CEP112: variants seen among roughly 807,000 people sequenced by gnomAD.
CEP112 encodes the protein centrosomal protein 112.
A neutral mutation model predicts 153.0 loss-of-function variants in CEP112; 127 were observed. The observed-to-expected ratio is 0.83, with a 90% CI of 0.72 to 0.96. The LOEUF (loss-of-function observed/expected upper bound fraction) is 0.96, where lower values mean the gene tolerates loss of function less well. CEP112 is among the 40% of genes least tolerant of loss of function. The pLI, the probability that CEP112 is intolerant of heterozygous loss-of-function variation, is 0.00. For synonymous variants in CEP112, 358 were observed against 374.4 expected (o/e 0.96, Z 0.51); for missense variants, 1,089 against 1,101.2 (o/e 0.99, Z 0.16).
chr17:65,774,282 G>T (rs2053553777), intron 21 of CEP112, among the ~76,000 whole-genome samples: 1 of 152,084 alleles, frequency 6.6e-6, no homozygotes, highest in Non-Finnish European at 1.5e-5. Context: ...CCCGAGAAAA[G>T]ACCCTATTTC....
intron 17 of CEP112, among the ~76,000 whole-genome samples, chr17:65,975,603 C>G (rs1176893079): frequency 1.3e-5 from 2 of 152,140 alleles, no homozygotes; most frequent in African/African-American, 4.8e-5. Context: ...AGAAATCATA[C>G]TGAAAATCAT....
intron 4 of CEP112, among the ~76,000 whole-genome samples, chr17:66,169,169 T>C (rs2072128905): frequency 6.6e-6 from 1 of 152,044 alleles, no homozygotes; most frequent in Non-Finnish European, 1.5e-5. Flanking sequence ...ATCCACATTA[T>C]GGATTATCTG....
chr17:66,122,136 C>T (rs973895654), intron 6 of CEP112, among the ~76,000 whole-genome samples: 7 of 152,068 alleles, frequency 4.6e-5, no homozygotes, highest in South Asian at 2.1e-4. Context: ...CCTCGTGATC[C>T]GCCCACCTCA....
At chr17:65,826,867 T>C (rs2056861620) in intron 21 of CEP112, among the ~76,000 whole-genome samples, 2 of 152,300 alleles carry the variant, frequency 1.3e-5, no homozygotes, top group African/African-American at 4.8e-5. Context: ...CAAAGTATTG[T>C]CCCTGGGTGT....
At chr17:65,891,311 T>C (rs1022098784) in intron 20 of CEP112, among the ~76,000 whole-genome samples, 3 of 152,316 alleles carry the variant, frequency 2.0e-5, no homozygotes, top group Non-Finnish European at 1.5e-5. Context: ...TTATTATCTA[T>C]ATGCTCAGTT....
chr17:65,904,365 G>C (rs965068306), intron 19 of CEP112, among the ~76,000 whole-genome samples: 1 of 152,062 alleles, frequency 6.6e-6, no homozygotes, highest in Non-Finnish European at 1.5e-5. Flanking sequence ...ACTACAAAGA[G>C]AATAAAATAC....
intron 12 of CEP112, among the ~76,000 whole-genome samples, chr17:66,032,281 A>G (rs1030875434): frequency 1.3e-5 from 2 of 151,768 alleles, no homozygotes; most frequent in African/African-American, 4.8e-5. Context: ...CGTTACAGGC[A>G]TGAGCCACTG....
chr17:66,118,761 A>G (rs1295093019), intron 6 of CEP112, among the ~76,000 whole-genome samples: 1 of 152,204 alleles, frequency 6.6e-6, no homozygotes, highest in Admixed American at 6.5e-5. Context: ...TTTGAGGTAA[A>G]TGATATCTCA....
At chr17:65,852,057 T>C in intron 20 of CEP112, 23 bp from the exon 21 acceptor site, 1 of 1,544,480 alleles carries the variant, frequency 6.5e-7, no homozygotes, top group Non-Finnish European at 8.8e-7. Context: ...AATGGAAAAA[T>C]GGGCAGAAGA....
At chr17:65,770,928 T>C (rs1400393940) in intron 21 of CEP112, among the ~76,000 whole-genome samples, 1 of 124,296 alleles carries the variant, frequency 8.0e-6, no homozygotes, top group Admixed American at 8.0e-5. Flanking sequence ...GACTCCGTCT[T>C]AAAAAAAAAA....
At chr17:66,030,112 A>G (rs1351402322) in intron 12 of CEP112, 89 bp from the exon 13 acceptor site, 4 of 998,450 alleles carry the variant, frequency 4.0e-6, no homozygotes, top group East Asian at 2.5e-5. Context: ...CGTATAATCT[A>G]TAAGAATAAA....
At position 65,690,425 on chromosome 17, in the gene CEP112, C is replaced by CAAAAAAA. The variant is rs67648497; in HGVS notation, c.2608-1214_2608-1208dup. Among the ~76,000 whole-genome samples the CAAAAAAA allele has an allele frequency of 9.3e-4, 71 of 76,674 alleles. 3 individuals are homozygous for CAAAAAAA. Among genetic ancestry groups the CAAAAAAA allele is most frequent in the African/African-American group, 3.5e-3 (69 of 19,440 alleles). 50.3% of individuals were successfully genotyped at this position (76,674 alleles called of 152,430 possible). A position where few individuals can be genotyped will look rare whatever the true frequency, so the allele number is the denominator to read the frequency against. On this transcript the variant is annotated intron_variant, in intron 23 of 26. Transcript: ENST00000535342. ...TGGGTGACAGAATGAGACCCTGTCT[C>CAAAAAAA]AAAAAAAAAAAAAAAAAAAAAAATC...
At chr17:65,641,506 T>C (rs1363650613) in intron 24 of CEP112, among the ~76,000 whole-genome samples, 1 of 152,180 alleles carries the variant, frequency 6.6e-6, no homozygotes, top group Non-Finnish European at 1.5e-5. Context: ...CTCACGCCTG[T>C]AGTCCCAGCA....
rs181527667 is a variant in CEP112 at position 66,167,589 on chromosome 17, A to G, written c.470+7455T>C. 3.0e-3 allele frequency among the ~76,000 whole-genome samples: 453 copies of G among 152,316 alleles called. 2 individuals are homozygous for G. The highest frequency in any genetic ancestry group is 6.2e-3 in the South Asian group (30 of 4,828). ...CAGCTCAACCTAGAAATAACCAAAA[A>G]CAAAGGTATAGCTGCCCAGGATTGC... On this transcript the variant is annotated intron_variant, in intron 4 of 26. Coordinates refer to ENST00000535342, the MANE Select transcript of CEP112 (RefSeq NM_001199165.4).
intron 24 of CEP112, among the ~76,000 whole-genome samples, chr17:65,673,934 T>C (rs986537307): frequency 6.6e-6 from 1 of 152,194 alleles, no homozygotes; most frequent in Non-Finnish European, 1.5e-5. Flanking sequence ...TGGAGTATAG[T>C]GGCACAATCT....
rs2060976694 is a variant in CEP112 at position 65,927,675 on chromosome 17, C to T, written c.1887G>A (p.Glu629=). 3 of 1,554,394 alleles carry T rather than the reference C, an allele frequency of 1.9e-6. No individual in the cohort carries two copies. Among genetic ancestry groups the T allele is most frequent in the South Asian group, 1.3e-5 (1 of 77,808 alleles). ...GAGATTTGGATCTAGTTAGATCTGC[C>T]TCCACTTTTTCCATCTATAAAATTT... The part of the protein sequence containing the change: ...AEMKEQMEKV[E]ADLTRSKSLR... Residue 629 remains glutamate (E), a synonymous_variant, in exon 19 of 27, where the codon GAG becomes GAA. Transcript: ENST00000535342.
At chr17:65,959,827 AC>A (rs1392212621) in intron 18 of CEP112, among the ~76,000 whole-genome samples, 8 of 151,986 alleles carry the variant, frequency 5.3e-5, no homozygotes, top group African/African-American at 1.9e-4. Context: ...TTGCTCACAT[AC>A]CCCTTGCTGC....
At chr17:65,779,313 A>T (rs1380494778) in intron 21 of CEP112, among the ~76,000 whole-genome samples, 1 of 152,184 alleles carries the variant, frequency 6.6e-6, no homozygotes, top group Non-Finnish European at 1.5e-5. Flanking sequence ...TCACATTTCT[A>T]ATTTGAAAGC....
intron 21 of CEP112, among the ~76,000 whole-genome samples, chr17:65,808,174 T>C (rs2055725436): frequency 6.6e-6 from 1 of 152,248 alleles, no homozygotes; most frequent in Non-Finnish European, 1.5e-5. Context: ...GACTGCCCTG[T>C]TGGGTTTTGG....
Sources: allele counts gnomAD v4.1 joint callset (sites outside exome capture counted in the v4.1 genomes callset), GRCh38; gene constraint gnomAD v4.1.1; transcripts MANE v1.5; gene names NCBI Gene and HGNC (gene_info 2026-07-23, HGNC 2026-07-21).